DMD: variants seen among roughly 807,000 people sequenced by gnomAD.
DMD encodes the protein mutant dystrophin.
Under a neutral mutation model 330.1 loss-of-function variants are expected in DMD, and 63 were observed. That is an observed-to-expected ratio of 0.19 (90% confidence interval 0.16 to 0.24). The LOEUF is 0.24. Among genes scored for constraint, DMD ranks in the 10% least tolerant of loss-of-function variants. The pLI is 1.00. For missense variants in DMD, 3,344 were observed against 2,684.1 expected (o/e 1.25, Z -5.43); for synonymous variants, 1,223 against 959.8 (o/e 1.27, Z -5.07).
At chrX:32,929,495 T>C (rs767984575) in intron 2 of DMD, among the ~76,000 whole-genome samples, 128 of 111,237 alleles carry the variant, frequency 1.2e-3, no homozygotes, top group Non-Finnish European at 2.1e-3. Context: ...TGGATAATAC[T>C]GTGCCATGTT....
intron 1 of DMD, among the ~76,000 whole-genome samples, chrX:33,142,443 TG>T (rs1009712601): frequency 1.8e-5 from 2 of 112,948 alleles, no homozygotes; most frequent in African/African-American, 6.4e-5. Flanking sequence ...TAATCAAAAC[TG>T]AAGTGATTCA....
intron 67 of DMD, among the ~76,000 whole-genome samples, chrX:31,191,240 A>C (rs1210568689): frequency 8.9e-6 from 1 of 112,155 alleles, no homozygotes; most frequent in Non-Finnish European, 1.9e-5. Context: ...TACAGGTCAT[A>C]ACCATTTAGA....
intron 43 of DMD, among the ~76,000 whole-genome samples, chrX:32,222,429 G>C (rs1449207944): frequency 8.9e-6 from 1 of 111,848 alleles, no homozygotes; most frequent in Admixed American, 9.5e-5. Context: ...ACAAAGATCA[G>C]AGCAGAACTA....
intron 11 of DMD, among the ~76,000 whole-genome samples, chrX:32,639,334 C>T (rs1272932869): frequency 3.1e-4 from 34 of 110,711 alleles, no homozygotes; most frequent in African/African-American, 9.9e-5. Context: ...GTTTTTCTTC[C>T]GAATTCCTTA....
At chrX:31,347,361 T>G (rs183893088) in intron 61 of DMD, among the ~76,000 whole-genome samples, 2 of 108,299 alleles carry the variant, frequency 1.8e-5, no homozygotes, top group African/African-American at 6.6e-5. Context: ...AACTGGATGT[T>G]TGTACCCATT....
At chrX:31,461,090 A>G (rs2066499601) in intron 59 of DMD, among the ~76,000 whole-genome samples, 3 of 111,762 alleles carry the variant, frequency 2.7e-5, no homozygotes, top group African/African-American at 9.7e-5. Flanking sequence ...AATGCTCCCT[A>G]TGATGCTCCC....
At chrX:32,740,853 A>G (rs1325442972) in intron 7 of DMD, among the ~76,000 whole-genome samples, 2 of 111,486 alleles carry the variant, frequency 1.8e-5, no homozygotes, top group Non-Finnish European at 3.8e-5. Flanking sequence ...TTGAATTCTC[A>G]AGTGTTTACA....
intron 28 of DMD, among the ~76,000 whole-genome samples, chrX:32,439,368 A>G (rs2098272824): frequency 9.0e-6 from 1 of 111,416 alleles, no homozygotes; most frequent in Non-Finnish European, 1.9e-5. Context: ...AATCACTATA[A>G]CCTGTAAAAT....
At chrX:32,075,984 G>A (rs1229438312) in intron 44 of DMD, among the ~76,000 whole-genome samples, 1 of 99,045 alleles carries the variant, frequency 1.0e-5, no homozygotes, top group Non-Finnish European at 2.0e-5. Flanking sequence ...CGATGGGGAG[G>A]TTGCAGTGAG....
chrX:33,065,807 C>T (rs771822060), intron 1 of DMD, among the ~76,000 whole-genome samples: 1 of 112,220 alleles, frequency 8.9e-6, no homozygotes, highest in Non-Finnish European at 1.9e-5. Flanking sequence ...TATTACAATG[C>T]CCTACATAAT....
chrX:31,553,280 C>T (rs1053221855), intron 55 of DMD, among the ~76,000 whole-genome samples: 2 of 112,201 alleles, frequency 1.8e-5, no homozygotes, highest in Non-Finnish European at 3.8e-5. Flanking sequence ...TCATATGGGA[C>T]GTTAACATTT....
chrX:32,751,583 T>C (rs904431091), intron 7 of DMD, among the ~76,000 whole-genome samples: 1 of 111,731 alleles, frequency 9.0e-6, no homozygotes, highest in Non-Finnish European at 1.9e-5. Flanking sequence ...CCTGACAATG[T>C]GATAAAAAAG....
chrX:31,240,084 G>A (rs769572291), intron 63 of DMD, among the ~76,000 whole-genome samples: 1 of 111,294 alleles, frequency 9.0e-6, no homozygotes, highest in Non-Finnish European at 1.9e-5. Context: ...TAAAGGCCAC[G>A]AGATGCTGAT....
chrX:32,429,807 T>C (rs1350313195), intron 29 of DMD, among the ~76,000 whole-genome samples: 1 of 110,799 alleles, frequency 9.0e-6, no homozygotes, highest in African/African-American at 3.3e-5. Flanking sequence ...TTGTTTTTAA[T>C]CTAGTATTTT....
chrX:31,758,354 C>T (rs1214870114), intron 51 of DMD, among the ~76,000 whole-genome samples: 1 of 111,013 alleles, frequency 9.0e-6, no homozygotes, highest in East Asian at 2.8e-4. Flanking sequence ...CACTGACTTT[C>T]GCAAAACCAT....
At chrX:31,289,270 A>AAAAAAAAAAAAAAAAAAAAAAAAC (rs2053490544) in intron 62 of DMD, among the ~76,000 whole-genome samples, 1 of 86,327 alleles carries the variant, frequency 1.2e-5, no homozygotes, top group African/African-American at 5.1e-5. Flanking sequence ...AAAAAATAAA[A>AAAAAAAAAAAAAAAAAAAAAAAAC]AATAAAATAA....
intron 44 of DMD, among the ~76,000 whole-genome samples, chrX:32,029,573 G>C (rs1013300396): frequency 2.7e-5 from 3 of 111,514 alleles, no homozygotes; most frequent in Non-Finnish European, 5.7e-5. Flanking sequence ...ATGCTGCCTG[G>C]TTTGAATTGA....
chrX:31,266,159 C>CAAAAAAAAA (rs1174153877), intron 62 of DMD, among the ~76,000 whole-genome samples: 139 of 13,326 alleles, frequency 0.01, 25 homozygotes, highest in African/African-American at 0.046. Context: ...TCCCGAAGGG[C>CAAAAAAAAA]AAAAAAAAAA....
intron 48 of DMD, among the ~76,000 whole-genome samples, chrX:31,874,286 C>T (rs1458646332): frequency 9.0e-6 from 1 of 110,813 alleles, no homozygotes; most frequent in Non-Finnish European, 1.9e-5. Context: ...GGAAAGGTAC[C>T]AGGTAATTTG....
Sources: gnomAD v4.1 joint callset for allele counts (sites outside exome capture counted in the v4.1 genomes callset) on GRCh38, gnomAD v4.1.1 for gene constraint, MANE v1.5 for transcripts, NCBI Gene and HGNC (gene_info 2026-07-23, HGNC 2026-07-21) for gene names.